Variants in DOCK11 observed in about 807,000 individuals in gnomAD.
DOCK11 encodes dedicator of cytokinesis protein 11.
DOCK11 carries 70 observed loss-of-function variants against 169.1 expected under a neutral mutation model. The observed-to-expected ratio is 0.41, with a 90% CI of 0.34 to 0.51. The LOEUF is 0.51. Ranked by LOEUF, DOCK11 falls within the 20% of genes least tolerant of loss-of-function variation. DOCK11 has a pLI of 0.10. For synonymous variants in DOCK11, 529 were observed against 541.3 expected (o/e 0.98, Z 0.32); for missense variants, 1,166 against 1,538.8 (o/e 0.76, Z 4.05).
chrX:118,557,763 CAAAAAAAAAAA>C (rs773728594), intron 6 of DOCK11, among the ~76,000 whole-genome samples: 30 of 24,339 alleles, frequency 1.2e-3, no homozygotes, highest in Admixed American at 4.2e-3. Flanking sequence ...GACTCTGTCT[CAAAAAAAAAAA>C]AAAAAAAAAA....
Position 118,624,672 on chromosome X carries a change from T to A in DOCK11, c.3588+17T>A. The A allele has an allele frequency of 9.1e-7, 1 of 1,101,091 alleles. No homozygotes were observed. The highest frequency in any genetic ancestry group is 1.3e-6 in the Non-Finnish European group (1 of 799,067). 90.7% of individuals were successfully genotyped at this position (1,101,091 alleles called of 1,213,427 possible). ...CCTAATTCTGTAAGTAGTAATGTGTTTCTGTTGGAGTTTTATCCTATTTTA... is the reference window on the plus strand; with the variant it reads ...CCTAATTCTGTAAGTAGTAATGTGTATCTGTTGGAGTTTTATCCTATTTTA... On this transcript the variant is annotated intron_variant, in intron 32 of 52. Coordinates refer to ENST00000276202, the MANE Select transcript of DOCK11 (RefSeq NM_144658.4).
chrX:118,585,446 C>T (rs780353315), intron 16 of DOCK11, among the ~76,000 whole-genome samples: 1 of 105,020 alleles, frequency 9.5e-6, no homozygotes, highest in South Asian at 4.6e-4. Context: ...CCAACTTCTC[C>T]TCTGTCATCA....
Position 118,685,820 on chromosome X carries a change from G to A in DOCK11, c.*13G>A, listed in dbSNP as rs751333941. On this transcript the variant is annotated 3_prime_UTR_variant, in exon 53 of 53. Transcript: ENST00000276202. ...CGCTGAAGTGTGAGGAAATGCAGAT[G>A]TACGTGACAATGAGACTGACCTTTC... The A allele has an allele frequency of 2.5e-6, 3 of 1,209,437 alleles. No individual in the cohort carries two copies. Among genetic ancestry groups the A allele is most frequent in the Non-Finnish European group, 3.4e-6 (3 of 894,274 alleles).
intron 48 of DOCK11, among the ~76,000 whole-genome samples, chrX:118,678,152 T>C (rs1229275134): frequency 8.9e-6 from 1 of 112,939 alleles, no homozygotes; most frequent in Non-Finnish European, 1.9e-5. Flanking sequence ...GAACAAAATC[T>C]GCTTAAGGGC....
In DOCK11 at chrX:118,566,634, T is replaced by C; in HGVS notation, c.932T>C (p.Met311Thr). ...ATCATGGCAAGTTTGGAAAGGAGCA[T>C]GCATCCGGAACTGATGAAGGTACAT... is the stretch of plus-strand genomic sequence containing the variant. ...ENIMASLERS[M>T]HPELMKYGRE... The change falls in exon 9 of 53, where the codon ATG becomes ACG. Residue 311 changes from methionine (M) to threonine (T), a missense_variant. Transcript: ENST00000276202. The C allele has an allele frequency of 8.3e-7, 1 of 1,210,853 alleles. No homozygotes were observed.
Position 118,567,368 on chromosome X carries a change from C to T in DOCK11, c.952-711C>T, listed in dbSNP as rs774387977. On this transcript the variant is annotated intron_variant, in intron 9 of 52. Coordinates refer to ENST00000276202, the MANE Select transcript of DOCK11 (RefSeq NM_144658.4). ...TTTTTTTTTTCTATTTTAAATTTAC[C>T]CCTCATAAACTTCAAAGCTATTTTT... Among the ~76,000 whole-genome samples the T allele has an allele frequency of 2.7e-5, 3 of 109,237 alleles. No homozygotes were observed. In the East Asian group the frequency reaches 8.5e-4, roughly 31 times the overall value. 94.9% of individuals were successfully genotyped at this position (109,237 alleles called of 115,157 possible).
intron 1 of DOCK11, among the ~76,000 whole-genome samples, chrX:118,516,922 AG>A (rs55633580): frequency 0.017 from 1,924 of 111,926 alleles, 20 homozygotes; most frequent in Middle Eastern, 0.028. Flanking sequence ...GCTTGTTGCA[AG>A]GTTTGAGTAA....
chrX:118,541,071 G>T (rs143543590), intron 1 of DOCK11, among the ~76,000 whole-genome samples: 1,261 of 110,619 alleles, frequency 0.011, 28 homozygotes, highest in African/African-American at 0.038. Flanking sequence ...TGGGATTAAA[G>T]AAGTAAACAA....
intron 45 of DOCK11, among the ~76,000 whole-genome samples, chrX:118,664,598 T>C (rs756047314): frequency 2.7e-5 from 3 of 110,194 alleles, no homozygotes; most frequent in African/African-American, 9.9e-5. Flanking sequence ...TGACCCAAGA[T>C]TGTGCTACTG....
chrX:118,678,715 C>A (rs1451935356), intron 48 of DOCK11, among the ~76,000 whole-genome samples: 1 of 109,668 alleles, frequency 9.1e-6, no homozygotes, highest in African/African-American at 3.3e-5. Context: ...TCAAGTGATC[C>A]ACCCACCTCA....
At chrX:118,532,019 TA>T (rs1170414866) in intron 1 of DOCK11, among the ~76,000 whole-genome samples, 10 of 110,378 alleles carry the variant, frequency 9.1e-5, no homozygotes, top group Non-Finnish European at 1.7e-4. Context: ...TCTCTGGTGA[TA>T]GGGGGTTTGT....
intron 13 of DOCK11, among the ~76,000 whole-genome samples, chrX:118,579,074 C>T (rs2013544636): frequency 8.9e-6 from 1 of 112,233 alleles, no homozygotes; most frequent in Non-Finnish European, 1.9e-5. Context: ...GTGAACATTT[C>T]ATGAAGCTAA....
At chrX:118,526,054 A>G (rs1052569384) in intron 1 of DOCK11, among the ~76,000 whole-genome samples, 2 of 111,977 alleles carry the variant, frequency 1.8e-5, no homozygotes, top group African/African-American at 6.5e-5. Flanking sequence ...AGTGAAAAAC[A>G]TCGCTTCCCT....
At chrX:118,544,646 T>TTTTTTTTTTTTTC in intron 4 of DOCK11, among the ~76,000 whole-genome samples, 1 of 6,887 alleles carries the variant, frequency 1.5e-4, no homozygotes, top group Non-Finnish European at 2.8e-4. Context: ...ACACTGTTGC[T>TTTTTTTTTTTTTC]TTTTTTTTTT....
intron 31 of DOCK11, among the ~76,000 whole-genome samples, chrX:118,619,498 AT>A (rs147826638): frequency 0.24 from 18,981 of 80,265 alleles, 2,722 homozygotes; most frequent in East Asian, 0.33. Context: ...AAAAAAAAAA[AT>A]ATATATATAT....
At chrX:118,681,269 G>T in intron 50 of DOCK11, 21 bp downstream of exon 50, 1 of 1,127,024 alleles carries the variant, frequency 8.9e-7, no homozygotes, top group Non-Finnish European at 1.2e-6. Flanking sequence ...CATCCAACAT[G>T]TATTGAATGT....
intron 1 of DOCK11, among the ~76,000 whole-genome samples, chrX:118,524,160 A>G (rs1188911664): frequency 9.0e-6 from 1 of 111,633 alleles, no homozygotes; most frequent in Non-Finnish European, 1.9e-5. Flanking sequence ...TCATTAGTAC[A>G]CAAGTGCCCC....
intron 45 of DOCK11, among the ~76,000 whole-genome samples, chrX:118,666,255 T>G (rs2016337461): frequency 8.9e-6 from 1 of 112,001 alleles, no homozygotes; most frequent in Non-Finnish European, 1.9e-5. Context: ...AGACTGTGTC[T>G]CAAAAATAAA....
At chrX:118,673,604 A>G (rs1053572334) in intron 46 of DOCK11, among the ~76,000 whole-genome samples, 6 of 112,101 alleles carry the variant, frequency 5.4e-5, no homozygotes, top group Non-Finnish European at 1.1e-4. Context: ...TATAAAAGAT[A>G]ATATGGGAGG....
Sources: gnomAD v4.1 joint callset for allele counts (sites outside exome capture counted in the v4.1 genomes callset) on GRCh38, gnomAD v4.1.1 for gene constraint, MANE v1.5 for transcripts, NCBI Gene and HGNC (gene_info 2026-07-23, HGNC 2026-07-21) for gene names.